The following SYT1 variants were observed in gnomAD, a reference collection of about 807,000 sequenced individuals.
SYT1 encodes synaptotagmin-1.
SYT1 carries 8 observed loss-of-function variants against 44.8 expected under a neutral mutation model. The observed-to-expected ratio is 0.18, with a 90% CI of 0.10 to 0.32. The LOEUF is 0.32. Ranked by LOEUF, SYT1 falls within the 10% of genes least tolerant of loss-of-function variation. The pLI, the probability that SYT1 is intolerant of heterozygous loss-of-function variation, is 1.00. For synonymous variants in SYT1, 154 were observed against 188.8 expected (o/e 0.82, Z 1.51); for missense variants, 286 against 509.3 (o/e 0.56, Z 4.22).
At chr12:79,300,461 G>A (rs1221250121) in intron 8 of SYT1, among the ~76,000 whole-genome samples, 1 of 152,002 alleles carries the variant, frequency 6.6e-6, no homozygotes, top group Non-Finnish European at 1.5e-5. Context: ...AGGGAGATCA[G>A]AGAGAACGTC....
At chr12:79,399,629 C>T (rs1394181364) in intron 9 of SYT1, among the ~76,000 whole-genome samples, 1 of 152,130 alleles carries the variant, frequency 6.6e-6, no homozygotes, top group Non-Finnish European at 1.5e-5. Context: ...GTTTTAAAGG[C>T]ACCTTTTAAT....
intron 9 of SYT1, among the ~76,000 whole-genome samples, chr12:79,385,275 C>T (rs1459472556): frequency 6.6e-6 from 1 of 152,164 alleles, no homozygotes; most frequent in Admixed American, 6.5e-5. Flanking sequence ...GCATGAGCCA[C>T]TGCTTCTGGG....
At chr12:79,291,747 AT>A in intron 5 of SYT1, 1 of 557,736 alleles carries the variant, frequency 1.8e-6, no homozygotes, top group Non-Finnish European at 3.4e-6. Context: ...CTTTGCAACA[AT>A]GTTACATTTT....
chr12:79,313,457 T>C (rs960566903), intron 8 of SYT1, among the ~76,000 whole-genome samples: 3 of 152,174 alleles, frequency 2.0e-5, no homozygotes, highest in Non-Finnish European at 4.4e-5. Context: ...ATGAAGCAGA[T>C]TGCAAATCCT....
chr12:78,897,693 C>T (rs187092279), intron 1 of SYT1, among the ~76,000 whole-genome samples: 2 of 152,170 alleles, frequency 1.3e-5, no homozygotes, highest in Non-Finnish European at 2.9e-5. Context: ...TTTACATCTA[C>T]CATTTCAAAT....
At position 79,368,803 on chromosome 12, in the gene SYT1, T is replaced by C. The variant is rs558035622; in HGVS notation, c.928+15184T>C. Among the ~76,000 whole-genome samples, 3 of 152,330 alleles carry C rather than the reference T, an allele frequency of 2.0e-5. No homozygotes were observed. The South Asian group carries it at 6.2e-4, about 32-fold the overall frequency. ...ATTGTAGATTCTGGATATTAGCCCT[T>C]TGTCAGATGAGCAGGTTGCAAAAAT... On this transcript the variant is annotated intron_variant, in intron 9 of 10. Coordinates refer to ENST00000261205, the MANE Select transcript of SYT1 (RefSeq NM_005639.3).
At chr12:79,319,615 C>T (rs1042190277) in intron 8 of SYT1, among the ~76,000 whole-genome samples, 7 of 152,276 alleles carry the variant, frequency 4.6e-5, no homozygotes, top group Admixed American at 2.0e-4. Context: ...CTGCCAACAC[C>T]GCAACACCAC....
chr12:79,119,770 A>T (rs1879493707), intron 3 of SYT1, among the ~76,000 whole-genome samples: 1 of 152,200 alleles, frequency 6.6e-6, no homozygotes, highest in African/African-American at 2.4e-5. Flanking sequence ...ATTTTGGAAG[A>T]TTCCTTTACT....
chr12:79,347,204 T>G (rs1169963817), intron 8 of SYT1, among the ~76,000 whole-genome samples: 1 of 152,114 alleles, frequency 6.6e-6, no homozygotes, highest in Non-Finnish European at 1.5e-5. Context: ...TGTAGCAAAC[T>G]TCCCAATCTT....
At chr12:79,139,282 T>G (rs1029497576) in intron 3 of SYT1, among the ~76,000 whole-genome samples, 1 of 152,042 alleles carries the variant, frequency 6.6e-6, no homozygotes, top group African/African-American at 2.4e-5. Flanking sequence ...AATGAGAGAG[T>G]ATAGAACGTC....
At chr12:79,053,234 A>G (rs1327364211) in intron 3 of SYT1, among the ~76,000 whole-genome samples, 3 of 152,146 alleles carry the variant, frequency 2.0e-5, no homozygotes, top group African/African-American at 7.2e-5. Context: ...GGAAACCATC[A>G]TTCTCAGCAA....
chr12:79,139,163 G>A (rs1344000552), intron 3 of SYT1, among the ~76,000 whole-genome samples: 2 of 152,158 alleles, frequency 1.3e-5, no homozygotes, highest in East Asian at 3.9e-4. Context: ...ACATAAGGCA[G>A]CTCACAGCCT....
At chr12:79,301,321 C>T (rs1857689973) in intron 8 of SYT1, among the ~76,000 whole-genome samples, 1 of 152,060 alleles carries the variant, frequency 6.6e-6, no homozygotes, top group Non-Finnish European at 1.5e-5. Flanking sequence ...CAGTGGGTTT[C>T]TGAAAAATTG....
Position 79,103,114 on chromosome 12 carries a change from C to T in SYT1, c.-18+55752C>T, listed in dbSNP as rs577352137. On this transcript the variant is annotated intron_variant, in intron 3 of 10. Transcript: ENST00000261205. ...TGATTCCCAAGCTAATGCCTTTAAG[C>T]AGTATTGACTGTGGCTTTCCCTAAA... 3.9e-5 allele frequency: 6 copies of T among 152,220 alleles called. No homozygotes were observed. The East Asian group carries it at 1.2e-3, about 29-fold the overall frequency. 9.4% of individuals were successfully genotyped at this position (152,220 alleles called of 1,614,324 possible).
chr12:79,448,878 A>G (rs1332177557), intron 10 of SYT1, 40 bp from the exon 11 acceptor site: 3 of 1,592,372 alleles, frequency 1.9e-6, no homozygotes, highest in Non-Finnish European at 2.6e-6. Flanking sequence ...CCTTATCTCT[A>G]GAGCTAGATG....
intron 2 of SYT1, among the ~76,000 whole-genome samples, chr12:79,042,812 TC>T (rs1239727199): frequency 6.6e-6 from 1 of 150,974 alleles, no homozygotes; most frequent in Non-Finnish European, 1.5e-5. Flanking sequence ...TCCCAGAGAT[TC>T]TGGTATGTTG....
intron 3 of SYT1, among the ~76,000 whole-genome samples, chr12:79,182,773 A>G (rs61927330): frequency 1.3e-3 from 191 of 152,220 alleles, no homozygotes; most frequent in Non-Finnish European, 2.4e-3. Flanking sequence ...CAAATTGCAT[A>G]ATATTAGTGT....
intron 1 of SYT1, among the ~76,000 whole-genome samples, chr12:78,931,239 G>GAAAGAAAGAAAGAAAGA (rs1216203775): frequency 7.0e-5 from 2 of 28,684 alleles, no homozygotes; most frequent in Non-Finnish European, 1.2e-4. Context: ...AAGAAAGAAA[G>GAAAGAAAGAAAGAAAGA]AAGGAAGGAA....
chr12:79,180,467 A>G lies in SYT1; in HGVS notation c.-17-37036A>G, dbSNP rs1185560290. ...TATAAAGAAGTATCTGAGACTGGTA[A>G]TTTATTTTCTTTTTTTTTTTTAAAA... On this transcript the variant is annotated intron_variant, in intron 3 of 10. Transcript: ENST00000261205. Among the ~76,000 whole-genome samples, 6 of 74,292 alleles carry G rather than the reference A, an allele frequency of 8.1e-5. No individual in the cohort carries two copies. In the Admixed American group the frequency reaches 8.8e-4, roughly 11 times the overall value. The allele number at this position is 74,292 out of a possible 152,430, so 48.7% of individuals were successfully genotyped here.
Sources: allele counts gnomAD v4.1 joint callset (sites outside exome capture counted in the v4.1 genomes callset), GRCh38; gene constraint gnomAD v4.1.1; transcripts MANE v1.5; gene names NCBI Gene and HGNC (gene_info 2026-07-23, HGNC 2026-07-21).